Variants in CNBD1 observed in about 807,000 individuals in gnomAD.
CNBD1 encodes cyclic nucleotide-binding domain-containing protein 1.
CNBD1 carries 71 observed loss-of-function variants against 54.4 expected under a neutral mutation model. The observed-to-expected ratio is 1.30, with a 90% CI of 1.08 to 1.59. The LOEUF (loss-of-function observed/expected upper bound fraction) is 1.59, where lower values mean the gene tolerates loss of function less well. Among genes scored for constraint, CNBD1 ranks in the 40% most tolerant of loss-of-function variants. The pLI is 0.00. For missense variants in CNBD1, 659 were observed against 518.0 expected (o/e 1.27, Z -2.64); for synonymous variants, 182 against 170.7 (o/e 1.07, Z -0.51).
chr8:87,246,833 T>G (rs907790572), intron 6 of CNBD1, among the ~76,000 whole-genome samples: 1 of 152,108 alleles, frequency 6.6e-6, no homozygotes. Flanking sequence ...GCATTACACT[T>G]ATTGTGAACC....
At chr8:87,208,224 T>C (rs1471978285) in intron 5 of CNBD1, among the ~76,000 whole-genome samples, 1 of 152,184 alleles carries the variant, frequency 6.6e-6, no homozygotes, top group Middle Eastern at 3.2e-3. Flanking sequence ...CCTCATTATT[T>C]AATAAAGCTT....
intron 8 of CNBD1, among the ~76,000 whole-genome samples, chr8:87,318,333 T>C (rs754145148): frequency 6.6e-6 from 1 of 152,126 alleles, no homozygotes; most frequent in Non-Finnish European, 1.5e-5. Flanking sequence ...TCTTGAGCTT[T>C]GTTCTGAGAC....
chr8:87,363,603 C>T (rs1159744941), intron 10 of CNBD1, among the ~76,000 whole-genome samples: 3 of 151,982 alleles, frequency 2.0e-5, no homozygotes, highest in Non-Finnish European at 4.4e-5. Context: ...CTCTAATGAC[C>T]AGTGATGATG....
At chr8:87,333,336 T>C (rs1163782249) in intron 8 of CNBD1, among the ~76,000 whole-genome samples, 1 of 152,196 alleles carries the variant, frequency 6.6e-6, no homozygotes, top group Non-Finnish European at 1.5e-5. Context: ...ACAATTTTAC[T>C]TCCTCTCTTT....
At chr8:87,041,799 A>C (rs1810076885) in intron 4 of CNBD1, among the ~76,000 whole-genome samples, 1 of 151,948 alleles carries the variant, frequency 6.6e-6, no homozygotes, top group Non-Finnish European at 1.5e-5. Flanking sequence ...ACTCCGTCTC[A>C]AAAAAAATAA....
At chr8:87,069,939 A>G (rs755670989) in intron 4 of CNBD1, among the ~76,000 whole-genome samples, 7 of 152,034 alleles carry the variant, frequency 4.6e-5, no homozygotes, top group Non-Finnish European at 8.8e-5. Flanking sequence ...ATCCTACCCC[A>G]AATCCTAGGA....
intron 1 of CNBD1, among the ~76,000 whole-genome samples, chr8:86,873,420 A>G (rs2131769306): frequency 6.6e-6 from 1 of 151,974 alleles, no homozygotes; most frequent in Middle Eastern, 3.4e-3. Context: ...TTTTTTTTAA[A>G]AAAGGATTAA....
At chr8:87,230,240 A>T (rs143283534) in intron 5 of CNBD1, among the ~76,000 whole-genome samples, 1 of 152,136 alleles carries the variant, frequency 6.6e-6, no homozygotes, top group Non-Finnish European at 1.5e-5. Context: ...CCATGATCCA[A>T]TCACCTCCCA....
intron 6 of CNBD1, among the ~76,000 whole-genome samples, chr8:87,241,055 G>A (rs1179989165): frequency 1.3e-5 from 2 of 151,966 alleles, no homozygotes; most frequent in Admixed American, 1.3e-4. Context: ...GAGGTCACTG[G>A]GAGTGGAGGA....
chr8:86,975,242 T>C (rs1441961712), intron 4 of CNBD1, among the ~76,000 whole-genome samples: 1 of 152,058 alleles, frequency 6.6e-6, no homozygotes, highest in African/African-American at 2.4e-5. Flanking sequence ...CATTTCTTTG[T>C]GGTAGAACAT....
intron 1 of CNBD1, among the ~76,000 whole-genome samples, chr8:86,884,280 C>T (rs1317593930): frequency 6.6e-6 from 1 of 152,148 alleles, no homozygotes; most frequent in Non-Finnish European, 1.5e-5. Flanking sequence ...TCTTAACCCA[C>T]CCAGTCAATG....
intron 8 of CNBD1, among the ~76,000 whole-genome samples, chr8:87,341,788 A>T (rs1810068679): frequency 1.3e-5 from 2 of 152,218 alleles, no homozygotes; most frequent in Non-Finnish European, 2.9e-5. Context: ...CCAGACACCA[A>T]ACTTTCTGGT....
intron 8 of CNBD1, among the ~76,000 whole-genome samples, chr8:87,340,781 T>C (rs2130918825): frequency 6.6e-6 from 1 of 152,240 alleles, no homozygotes; most frequent in African/African-American, 2.4e-5. Context: ...TTTTATATTT[T>C]CTCTTTATCA....
At chr8:87,273,934 C>A (rs1230773516) in intron 6 of CNBD1, among the ~76,000 whole-genome samples, 3 of 126,794 alleles carry the variant, frequency 2.4e-5, no homozygotes. Flanking sequence ...CCCCCCACCC[C>A]ACAACAGTCC....
rs1210768009 is a variant in CNBD1, at chr8:87,041,798, C to CA, written c.431+102052dup. ...CGAGCGACAGAGCAAGACTCCGTCT[C>CA]AAAAAAAATAAGAAAACCATCTATG... On this transcript the variant is annotated intron_variant, in intron 4 of 10. Coordinates refer to ENST00000518476, the MANE Select transcript of CNBD1 (RefSeq NM_173538.3). Among the ~76,000 whole-genome samples the CA allele has an allele frequency of 4.6e-5, 7 of 151,662 alleles. No homozygotes were observed. In the East Asian group the frequency reaches 7.8e-4, roughly 17 times the overall value.
intron 7 of CNBD1, among the ~76,000 whole-genome samples, chr8:87,285,390 T>A (rs1808674000): frequency 2.0e-5 from 3 of 149,474 alleles, no homozygotes; most frequent in Non-Finnish European, 4.5e-5. Context: ...AAATCCAAAT[T>A]TTTTCTTGAC....
chr8:87,129,214 T>G (rs932092195), intron 4 of CNBD1, among the ~76,000 whole-genome samples: 6 of 151,970 alleles, frequency 3.9e-5, no homozygotes, highest in Non-Finnish European at 8.8e-5. Context: ...TCCTTTTCAA[T>G]GTCCTGAAAT....
intron 2 of CNBD1, among the ~76,000 whole-genome samples, chr8:87,420,193 A>G (rs13273013): frequency 0.57 from 85,840 of 151,608 alleles, 25,802 homozygotes; most frequent in African/African-American, 0.77. Context: ...CCCAGATACA[A>G]TGTTATTTCT....
At position 87,241,268 on chromosome 8, in the gene CNBD1, A is replaced by ATTTTT. The variant is rs34829455; in HGVS notation, c.771+4175_771+4179dup. 7.5e-4 allele frequency among the ~76,000 whole-genome samples: 70 copies of ATTTTT among 93,846 alleles called. 3 individuals carry two copies. The highest frequency in any genetic ancestry group is 1.4e-3 in the African/African-American group (29 of 20,506). The allele number at this position is 93,846 out of a possible 152,430, so 61.6% of individuals were successfully genotyped here. On this transcript the variant is annotated intron_variant, in intron 6 of 10. Transcript: ENST00000518476. ...GGGCACAAAAATCTGTATTTGGAAG[A>ATTTTT]TTTTTTTTTTTTTTTTTTTTTTTGA...
Sources: allele counts gnomAD v4.1 joint callset (sites outside exome capture counted in the v4.1 genomes callset), GRCh38; gene constraint gnomAD v4.1.1; transcripts MANE v1.5; gene names NCBI Gene and HGNC (gene_info 2026-07-23, HGNC 2026-07-21).